ATAD2B: variants seen among roughly 807,000 people sequenced by gnomAD.
ATAD2B encodes ATPase family AAA domain containing 2B.
Under a neutral mutation model 167.6 loss-of-function variants are expected in ATAD2B, and 40 were observed. The ratio of observed to expected loss-of-function variants is 0.24; its 90% CI spans 0.19 to 0.31. The LOEUF (loss-of-function observed/expected upper bound fraction) is 0.31. ATAD2B is among the 10% of genes least tolerant of loss of function. ATAD2B has a pLI of 1.00. For synonymous variants in ATAD2B, 579 were observed against 596.5 expected, an observed-to-expected ratio of 0.97 and a Z score of 0.43; for missense variants, 1,242 against 1,757.2, an observed-to-expected ratio of 0.71 and a Z score of 5.24.
At chr2:23,911,755 A>G (rs1702340500) in intron 1 of ATAD2B, among the ~76,000 whole-genome samples, 1 of 152,138 alleles carries the variant, frequency 6.6e-6, no homozygotes, top group Non-Finnish European at 1.5e-5. Flanking sequence ...CAGGTGGATC[A>G]CCTGAAGTCA....
At chr2:23,738,456 A>G in the ATAD2B span, among the ~76,000 whole-genome samples, 2 of 152,230 alleles carry the variant, frequency 1.3e-5, no homozygotes. Flanking sequence ...ACTAAGCTTC[A>G]TAAGTGAAGG....
At chr2:23,910,844 G>A (rs536764236) in intron 1 of ATAD2B, among the ~76,000 whole-genome samples, 1 of 151,954 alleles carries the variant, frequency 6.6e-6, no homozygotes, top group East Asian at 2.0e-4. Context: ...CTCCAGCCTG[G>A]GCAACAGAGC....
At chr2:23,890,861 G>A (rs1239201890) in intron 2 of ATAD2B, among the ~76,000 whole-genome samples, 1 of 152,094 alleles carries the variant, frequency 6.6e-6, no homozygotes, top group Non-Finnish European at 1.5e-5. Flanking sequence ...ACTAATGAAA[G>A]ATCTGTTTTA....
chr2:23,757,314 G>T (rs1162016520), intron 25 of ATAD2B, 104 bp downstream of exon 25: 3 of 841,832 alleles, frequency 3.6e-6, no homozygotes, highest in Non-Finnish European at 5.3e-6. Flanking sequence ...TCTCAGAGGG[G>T]TATAATTATT....
chr2:23,773,453 T>C (rs1678645332), intron 22 of ATAD2B, among the ~76,000 whole-genome samples: 1 of 152,248 alleles, frequency 6.6e-6, no homozygotes, highest in East Asian at 1.9e-4. Flanking sequence ...AAGTCAGCTA[T>C]GATGGCTACA....
At position 23,757,700 on chromosome 2, in the gene ATAD2B, T is replaced by C. The variant is rs1228236457; in HGVS notation, c.3796A>G (p.Asn1266Asp). 1.2e-6 allele frequency: 2 copies of C among 1,612,684 alleles called. No individual in the cohort carries two copies. The highest frequency in any genetic ancestry group is 1.7e-6 in the Non-Finnish European group (2 of 1,179,452). The stretch of plus-strand genomic sequence containing the variant: ...GTGGAAGCCTCACCATTTAGACAAT[T>C]TCCTTTAAGGAAAGTCTCTTTCCTG... ...TSRKETFLKG[N>D]CLNGEASTDS... Residue 1266 changes from asparagine to aspartate, a missense_variant, in exon 25 of 28, where the codon AAT becomes GAT. This residue lies in a region of ATAD2B where 282 missense variants were observed against 346.8 expected (regional missense o/e 0.81). Transcript: ENST00000238789.
chr2:23,868,888 A>G (rs894547607), intron 9 of ATAD2B, among the ~76,000 whole-genome samples: 1 of 152,234 alleles, frequency 6.6e-6, no homozygotes, highest in Non-Finnish European at 1.5e-5. Context: ...AACTTCATTG[A>G]TATTTCTGAA....
At chr2:23,889,015 A>G (rs182806207) in intron 2 of ATAD2B, among the ~76,000 whole-genome samples, 14 of 152,360 alleles carry the variant, frequency 9.2e-5, no homozygotes, top group African/African-American at 2.9e-4. Context: ...TAGTACAGTC[A>G]GAAAGTTCAA....
At chr2:23,695,348 G>T in the ATAD2B span, among the ~76,000 whole-genome samples, 5 of 152,096 alleles carry the variant, frequency 3.3e-5, no homozygotes, top group African/African-American at 1.2e-4. This position sits in a 1 kb window ranked among gnomAD's most constrained non-coding sequence, Gnocchi z 7.6. Flanking sequence ...AGAGAATGGG[G>T]TGCTGGGGGG....
At chr2:23,710,264 G>A in the ATAD2B span, among the ~76,000 whole-genome samples, 28 of 152,208 alleles carry the variant, frequency 1.8e-4, no homozygotes, top group African/African-American at 6.7e-4. Flanking sequence ...AAAGAGAATA[G>A]GTCTTAAACA....
At chr2:23,917,347 C>T (rs1252858576) in intron 1 of ATAD2B, among the ~76,000 whole-genome samples, 1 of 152,170 alleles carries the variant, frequency 6.6e-6, no homozygotes, top group East Asian at 1.9e-4. Flanking sequence ...TATAAACTAA[C>T]AATGCTAAAG....
chr2:23,763,957 G>A (rs1379313963), intron 23 of ATAD2B, among the ~76,000 whole-genome samples: 1 of 152,138 alleles, frequency 6.6e-6, no homozygotes, highest in East Asian at 1.9e-4. Context: ...TTATTACTAA[G>A]TAGTATGCGC....
At chr2:23,700,272 A>G in the ATAD2B span, among the ~76,000 whole-genome samples, 1 of 152,202 alleles carries the variant, frequency 6.6e-6, no homozygotes, top group African/African-American at 2.4e-5. This position sits in a 1 kb window ranked among gnomAD's most constrained non-coding sequence, Gnocchi z 4.6. Context: ...AATTACAGGA[A>G]CTCTGAGCCA....
the ATAD2B span, among the ~76,000 whole-genome samples, chr2:23,730,253 C>A: frequency 6.6e-6 from 1 of 152,084 alleles, no homozygotes; most frequent in Non-Finnish European, 1.5e-5. Context: ...ATTGTTAACA[C>A]AAAATCTGAG....
intron 5 of ATAD2B, 53 bp from the exon 6 acceptor site, chr2:23,884,926 C>T (rs1479789157): frequency 4.2e-6 from 5 of 1,179,934 alleles, no homozygotes; most frequent in Non-Finnish European, 2.3e-6. Flanking sequence ...TTCTCCACTA[C>T]AAAAAAACAA....
chr2:23,875,369 G>A (rs1028647990), intron 8 of ATAD2B, among the ~76,000 whole-genome samples: 5 of 151,660 alleles, frequency 3.3e-5, no homozygotes, highest in African/African-American at 7.3e-5. Flanking sequence ...GCATGGTGGC[G>A]CACACCTGTA....
At chr2:23,713,711 T>C in the ATAD2B span, among the ~76,000 whole-genome samples, 1 of 152,232 alleles carries the variant, frequency 6.6e-6, no homozygotes, top group Non-Finnish European at 1.5e-5. Flanking sequence ...CAAAGTATTC[T>C]CAAGATTCAT....
In ATAD2B at chr2:23,787,768, A is replaced by C. The variant is rs118072272; in HGVS notation, c.2776+744T>G. ...TAAAGAGGCTTAAAAATTTTTACCA[A>C]ACAGGATTGCTACTTCCTAGAAGAG... On this transcript the variant is annotated intron_variant, in intron 20 of 27. Transcript: ENST00000238789. Among the ~76,000 whole-genome samples, 204 of 152,150 alleles carry C rather than the reference A, an allele frequency of 1.3e-3. 4 individuals are homozygous for C. The East Asian group carries it at 0.035, about 26-fold the overall frequency.
intron 13 of ATAD2B, among the ~76,000 whole-genome samples, chr2:23,845,597 T>TG (rs1491552798): frequency 9.6e-5 from 12 of 124,736 alleles, no homozygotes; most frequent in Non-Finnish European, 1.9e-4. Context: ...TTTTTTTTTT[T>TG]GAGACAGTGT....
Sources: gnomAD v4.1 joint callset for allele counts (sites outside exome capture counted in the v4.1 genomes callset) on GRCh38, gnomAD v4.1.1 for gene constraint, gnomAD v4.1.1 regional missense constraint, Gnocchi (gnomAD v3.1) non-coding constraint, MANE v1.5 for transcripts, NCBI Gene and HGNC (gene_info 2026-07-23, HGNC 2026-07-21) for gene names.